Variants in KANK1 observed in about 807,000 individuals in gnomAD.
KANK1 encodes the protein KN motif and ankyrin repeat domain-containing protein 1.
Under a neutral mutation model 106.2 loss-of-function variants are expected in KANK1, and 109 were observed. The observed-to-expected ratio is 1.03, with a 90% CI of 0.88 to 1.20. KANK1 has a LOEUF of 1.20. Among genes scored for constraint, KANK1 ranks in the 50% most tolerant of loss-of-function variants. The probability of loss-of-function intolerance (pLI) is 0.00; values close to 1 mark genes in which losing one functional copy is unlikely to be tolerated. For synonymous variants in KANK1, 873 were observed against 652.2 expected, an observed-to-expected ratio of 1.34 and a Z score of -5.16; for missense variants, 2,399 against 1,710.7, an observed-to-expected ratio of 1.40 and a Z score of -7.10.
At chr9:684,073 CG>C (rs1487077399) in intron 2 of KANK1, 4 of 688,748 alleles carry the variant, frequency 5.8e-6, no homozygotes, top group Non-Finnish European at 7.1e-6. Context: ...ACCCAGCCCC[CG>C]GAGAGGTTTT....
intron 3 of KANK1, among the ~76,000 whole-genome samples, chr9:717,908 A>G (rs1828155037): frequency 1.3e-5 from 2 of 152,228 alleles, no homozygotes; most frequent in South Asian, 4.1e-4. Flanking sequence ...TTTATAGAAC[A>G]TTCATCTCTC....
chr9:572,098 A>G (rs375232904), intron 1 of KANK1, among the ~76,000 whole-genome samples: 4 of 150,966 alleles, frequency 2.6e-5, no homozygotes, highest in Middle Eastern at 3.2e-3. Flanking sequence ...TGGAAAGTCA[A>G]TGTTTTCCCT....
intron 7 of KANK1, among the ~76,000 whole-genome samples, chr9:735,082 G>A (rs1441224391): frequency 7.9e-5 from 12 of 152,190 alleles, no homozygotes; most frequent in East Asian, 5.8e-4. Flanking sequence ...GGAGGCATCT[G>A]TGAGGCGTAC....
intron 4 of KANK1, 96 bp from the exon 5 acceptor site, chr9:731,062 C>G: frequency 1.7e-6 from 1 of 587,526 alleles, no homozygotes; most frequent in Non-Finnish European, 3.0e-6. Context: ...CCAAGATCTA[C>G]ATTTACATGC....
chr9:589,925 C>G (rs1824425646), intron 1 of KANK1, among the ~76,000 whole-genome samples: 2 of 152,280 alleles, frequency 1.3e-5, no homozygotes, highest in African/African-American at 2.4e-5. Context: ...TCGACAGATT[C>G]TGTGAACCCC....
intron 2 of KANK1, chr9:706,922 G>A (rs1200125321): frequency 1.0e-6 from 1 of 985,320 alleles, no homozygotes; most frequent in African/African-American, 1.7e-5. Context: ...GATGCTTAAA[G>A]TGCTAGCTTT....
intron 2 of KANK1, among the ~76,000 whole-genome samples, chr9:687,980 T>C (rs1446417789): frequency 6.6e-6 from 1 of 152,140 alleles, no homozygotes; most frequent in East Asian, 1.9e-4. Context: ...AACCAGCAAA[T>C]ATTTGCAGAG....
chr9:639,434 A>G (rs550659010), intron 1 of KANK1, among the ~76,000 whole-genome samples: 6 of 152,256 alleles, frequency 3.9e-5, no homozygotes, highest in South Asian at 4.1e-4. Flanking sequence ...CTTTTGCCTC[A>G]GCCTCCCAAG....
At chr9:662,481 A>G (rs563449724) in intron 1 of KANK1, among the ~76,000 whole-genome samples, 2 of 152,222 alleles carry the variant, frequency 1.3e-5, no homozygotes, top group African/African-American at 2.4e-5. Context: ...AAACAGAGAT[A>G]GACACTAATG....
At chr9:515,359 G>GA (rs1051864127) in intron 1 of KANK1, among the ~76,000 whole-genome samples, 6 of 147,198 alleles carry the variant, frequency 4.1e-5, no homozygotes, top group African/African-American at 7.6e-5. Flanking sequence ...AAAAAAAAAA[G>GA]AAAAAAAAGC....
Position 734,766 on chromosome 9 carries a change from G to T in KANK1, c.3264G>T (p.Lys1088Asn). Reference sequence around the variant, plus strand: ...CTTTCAGGTATGAATTAAGTGAAAAGATGTTGTCTGCATGCAACTTACTGA... The same window carrying T: ...CTTTCAGGTATGAATTAAGTGAAAATATGTTGTCTGCATGCAACTTACTGA... ...EIRERYELSE[K>N]MLSACNLLKN... Residue 1088 changes from lysine to asparagine, a missense_variant, in exon 7 of 12, where the codon AAG (lysine) becomes AAT (asparagine). Physicochemically the swap from Lys to Asn is moderately conservative, Grantham distance 94 (BLOSUM62 0). Coordinates refer to ENST00000382297, the MANE Select transcript of KANK1 (RefSeq NM_015158.5). 6.2e-7 allele frequency: 1 copy of T among 1,611,838 alleles called. No individual in the cohort carries two copies. Among genetic ancestry groups the T allele is most frequent in the Non-Finnish European group, 8.5e-7 (1 of 1,177,892 alleles).
At chr9:694,672 G>C (rs979854977) in intron 2 of KANK1, among the ~76,000 whole-genome samples, 5 of 152,120 alleles carry the variant, frequency 3.3e-5, no homozygotes, top group African/African-American at 1.2e-4. Context: ...TATTAAGACA[G>C]GCCGTTCCAC....
intron 1 of KANK1, among the ~76,000 whole-genome samples, chr9:640,586 GGGGTTTCATTATGTT>G (rs1838194931): frequency 6.6e-6 from 1 of 151,824 alleles, no homozygotes; most frequent in African/African-American, 2.4e-5. Context: ...TTGTACAGAT[GGGGTTTCATTATGTT>G]GGCCAGGCTG....
At chr9:715,179 G>GT (rs1382185437) in intron 3 of KANK1, among the ~76,000 whole-genome samples, 1 of 152,114 alleles carries the variant, frequency 6.6e-6, no homozygotes. Context: ...CATGTGTGGG[G>GT]TTTTTGCCTT....
intron 1 of KANK1, among the ~76,000 whole-genome samples, chr9:651,900 A>T (rs1045407917): frequency 6.6e-6 from 1 of 152,224 alleles, no homozygotes; most frequent in African/African-American, 2.4e-5. Context: ...ATGATAAAAA[A>T]CTAAAGTTGC....
chr9:712,904 A>G lies in KANK1; in HGVS notation c.2138A>G (p.Glu713Gly), dbSNP rs764638632. The G allele has an allele frequency of 6.2e-7, 1 of 1,613,926 alleles. No individual in the cohort carries two copies. The highest frequency in any genetic ancestry group is 8.5e-7 in the Non-Finnish European group (1 of 1,180,024). ...AAGCAGACCAGCACCCAGACTGTGGAGACGCGGACAGTAGCTGTAGGAGAA... is the reference window on the plus strand; with the variant it reads ...AAGCAGACCAGCACCCAGACTGTGGGGACGCGGACAGTAGCTGTAGGAGAA... ...LDKQTSTQTVETRTVAVGEGR... is the reference protein window; with the variant it reads ...LDKQTSTQTVGTRTVAVGEGR... The change falls in exon 3 of 12, where the codon GAG (glutamate) becomes GGG (glycine). Residue 713 changes from glutamate (E) to glycine (G), a missense_variant. By Grantham distance (98) the Glu-to-Gly change is moderately conservative. Transcript: ENST00000382297.
At position 593,659 on chromosome 9, in the gene KANK1, C is replaced by G. The variant is rs1226487184; in HGVS notation, c.-83-83231C>G. 4.0e-5 allele frequency among the ~76,000 whole-genome samples: 6 copies of G among 151,862 alleles called. No individual in the cohort carries two copies. In the East Asian group the frequency reaches 9.7e-4, roughly 24 times the overall value. On this transcript the variant is annotated intron_variant, in intron 1 of 11. Transcript: ENST00000382297. ...GTTTGTGTAAATCGTTGGATGTAAT[C>G]TTACAGAGGACCAGGGCTTGAGCAC...
chr9:708,403 C>T (rs927355265), intron 2 of KANK1, among the ~76,000 whole-genome samples: 2 of 152,234 alleles, frequency 1.3e-5, no homozygotes, highest in African/African-American at 4.8e-5. Context: ...CCAGGCACAG[C>T]CCTCCCGACC....
At chr9:481,562 T>TA (rs2058205188) in intron 3 of KANK1, among the ~76,000 whole-genome samples, 1 of 152,144 alleles carries the variant, frequency 6.6e-6, no homozygotes, top group Non-Finnish European at 1.5e-5. Context: ...AAAACTACTT[T>TA]AAAATAAGAT....
Sources: gnomAD v4.1 joint callset for allele counts (sites outside exome capture counted in the v4.1 genomes callset) on GRCh38, gnomAD v4.1.1 for gene constraint, MANE v1.5 for transcripts, NCBI Gene and HGNC (gene_info 2026-07-23, HGNC 2026-07-21) for gene names.